The following DDX46 variants were observed in gnomAD, a reference collection of about 807,000 sequenced individuals.
DDX46 encodes the protein DEAD-box helicase 46.
DDX46 carries 30 observed loss-of-function variants against 134.9 expected under a neutral mutation model. The ratio of observed to expected loss-of-function variants is 0.22; its 90% confidence interval spans 0.17 to 0.30. The LOEUF is 0.30. Ranked by LOEUF, DDX46 falls within the 10% of genes least tolerant of loss-of-function variation. The probability of loss-of-function intolerance (pLI) is 1.00; values close to 1 mark genes in which losing one functional copy is unlikely to be tolerated. For missense variants in DDX46, 622 were observed against 1,248.7 expected (o/e 0.50, Z 7.56); for synonymous variants, 415 against 404.1 (o/e 1.03, Z -0.32).
chr5:134,785,301 A>G (rs540545730), intron 10 of DDX46, among the ~76,000 whole-genome samples, 164 bp from the exon 11 acceptor site: 1 of 152,314 alleles, frequency 6.6e-6, no homozygotes, highest in East Asian at 1.9e-4. Flanking sequence ...CCTTCCCCAC[A>G]ACCTCTGCTG....
intron 1 of DDX46, among the ~76,000 whole-genome samples, chr5:134,762,430 T>A (rs1388622896): frequency 2.0e-5 from 3 of 150,396 alleles, no homozygotes; most frequent in Non-Finnish European, 3.0e-5. Context: ...AAAAGAAATT[T>A]AAAAAAATGA....
intron 11 of DDX46, among the ~76,000 whole-genome samples, chr5:134,787,205 A>G (rs1754365416): frequency 6.6e-6 from 1 of 152,266 alleles, no homozygotes; most frequent in Non-Finnish European, 1.5e-5. Context: ...TCCGAAAGGT[A>G]TAGACGTGAG....
chr5:134,777,548 A>C, intron 5 of DDX46, 26 bp from the exon 6 acceptor site: 1 of 1,609,988 alleles, frequency 6.2e-7, no homozygotes, highest in Non-Finnish European at 8.5e-7. Context: ...ACAGATGTTT[A>C]AAGAATGTGT....
chr5:134,811,543 G>C (rs571831549), intron 17 of DDX46, 153 bp from the exon 18 acceptor site: 1 of 1,130,504 alleles, frequency 8.8e-7, no homozygotes, highest in East Asian at 2.6e-5. Context: ...GTATTTTGTG[G>C]TGTCTATGTA....
At chr5:134,784,565 T>C in intron 10 of DDX46, 24 bp downstream of exon 10, 4 of 1,555,490 alleles carry the variant, frequency 2.6e-6, no homozygotes, top group Non-Finnish European at 3.5e-6. Context: ...CATTAAACTA[T>C]TTTTCAAATA....
chr5:134,780,644 A>G (rs1754122983), intron 6 of DDX46: 1 of 150,912 alleles, frequency 6.6e-6, no homozygotes, highest in African/African-American at 2.4e-5. Context: ...ACAGTAAATT[A>G]TGAATGGATG....
chr5:134,774,244 G>A (rs1753864909), intron 5 of DDX46, among the ~76,000 whole-genome samples: 1 of 152,150 alleles, frequency 6.6e-6, no homozygotes, highest in South Asian at 2.1e-4. Context: ...ATTTCACTTA[G>A]CATAATGTCT....
chr5:134,777,807 A>G, intron 6 of DDX46, 82 bp downstream of exon 6: 3 of 1,465,712 alleles, frequency 2.0e-6, no homozygotes, highest in South Asian at 2.9e-5. Context: ...ACTGATTGGC[A>G]TGACTTTGTA....
In DDX46 at chr5:134,831,034, G is replaced by GAT. The variant is rs1554156959; in HGVS notation, c.*2334_*2335dup. ...TCACACTGACTTTTAAAATTTGAAT[G>GAT]ATATATAGACTTTGTTTTTTTAATG... On this transcript the variant is annotated 3_prime_UTR_variant, in exon 23 of 23. Coordinates refer to ENST00000452510, the MANE Select transcript of DDX46 (RefSeq NM_001300860.2). 1 of 152,340 alleles carries GAT rather than the reference G, an allele frequency of 6.6e-6. No homozygotes were observed. Among genetic ancestry groups the GAT allele is most frequent in the Non-Finnish European group, 1.5e-5 (1 of 67,984 alleles). The allele number at this position is 152,340 out of a possible 1,614,324, so 9.4% of individuals were successfully genotyped here.
At chr5:134,768,910 T>G (rs999615720) in intron 3 of DDX46, among the ~76,000 whole-genome samples, 1 of 151,928 alleles carries the variant, frequency 6.6e-6, no homozygotes, top group Non-Finnish European at 1.5e-5. Flanking sequence ...AGTAAAAAAT[T>G]AGTCAGGTGT....
intron 15 of DDX46, among the ~76,000 whole-genome samples, chr5:134,803,918 CTTT>C (rs201944776): frequency 6.3e-5 from 6 of 94,906 alleles, no homozygotes; most frequent in Non-Finnish European, 1.3e-4. Context: ...GATGATTCTT[CTTT>C]TTTTTTTTTT....
At chr5:134,823,627 C>G (rs1294347543) in intron 21 of DDX46, among the ~76,000 whole-genome samples, 1 of 152,166 alleles carries the variant, frequency 6.6e-6, no homozygotes, top group Non-Finnish European at 1.5e-5. Flanking sequence ...AAATGGCATG[C>G]TTTTGTGTAT....
chr5:134,781,664 G>GT (rs1214618229), intron 7 of DDX46, among the ~76,000 whole-genome samples: 1 of 152,110 alleles, frequency 6.6e-6, no homozygotes, highest in African/African-American at 2.4e-5. Context: ...AAAAAACTAA[G>GT]TTGAAAAATT....
intron 6 of DDX46, among the ~76,000 whole-genome samples, chr5:134,780,448 C>G (rs2150139752): frequency 6.7e-6 from 1 of 149,570 alleles, no homozygotes; most frequent in South Asian, 2.1e-4. Flanking sequence ...CCTGTAATCC[C>G]AGCTCCTGGG....
chr5:134,817,207 GTGTC>G, intron 19 of DDX46: 1 of 328,556 alleles, frequency 3.0e-6, no homozygotes, highest in Non-Finnish European at 5.5e-6. Context: ...AATATTTACT[GTGTC>G]TGACATCAAG....
At position 134,828,805 on chromosome 5, in the gene DDX46, T is replaced by C; in HGVS notation, c.*99T>C. The C allele has an allele frequency of 1.1e-6, 1 of 905,418 alleles. No individual in the cohort carries two copies. Among genetic ancestry groups the C allele is most frequent in the Non-Finnish European group, 1.5e-6 (1 of 657,108 alleles). 56.1% of individuals were successfully genotyped at this position (905,418 alleles called of 1,614,324 possible). On this transcript the variant is annotated 3_prime_UTR_variant, in exon 23 of 23. Coordinates refer to ENST00000452510, the MANE Select transcript of DDX46 (RefSeq NM_001300860.2). ...TATTGTAAATGAAGATTTTTTAAATTCTATCTTGCTGATTTTTTTTAAATA... is the reference window on the plus strand; with the variant it reads ...TATTGTAAATGAAGATTTTTTAAATCCTATCTTGCTGATTTTTTTTAAATA...
chr5:134,811,461 T>TGTGAAAAAATTATTTAACAC, intron 17 of DDX46, 103 bp downstream of exon 17: 1 of 1,442,574 alleles, frequency 6.9e-7, no homozygotes, highest in Non-Finnish European at 9.3e-7. Context: ...AAAATTTTGC[T>TGTGAAAAAATTATTTAACAC]ACGACTATTT....
chr5:134,770,569 T>G (rs546258014), intron 3 of DDX46, among the ~76,000 whole-genome samples: 88 of 152,208 alleles, frequency 5.8e-4, no homozygotes, highest in Admixed American at 8.5e-4. Context: ...CCCAGCACAT[T>G]GAGAGGCTGA....
At chr5:134,813,783 T>C (rs1368670733) in intron 18 of DDX46, among the ~76,000 whole-genome samples, 1 of 152,030 alleles carries the variant, frequency 6.6e-6, no homozygotes, top group Non-Finnish European at 1.5e-5. Flanking sequence ...CCTGTTAATA[T>C]ATATTTTAAA....
Sources: allele counts gnomAD v4.1 joint callset (sites outside exome capture counted in the v4.1 genomes callset), GRCh38; gene constraint gnomAD v4.1.1; transcripts MANE v1.5; gene names NCBI Gene and HGNC (gene_info 2026-07-23, HGNC 2026-07-21).